PCDHA1: variants seen among roughly 807,000 people sequenced by gnomAD.
The protein encoded by PCDHA1 is protocadherin alpha-1.
Under a neutral mutation model 61.3 loss-of-function variants are expected in PCDHA1, and 42 were observed. The ratio of observed to expected loss-of-function variants is 0.69; its 90% CI spans 0.54 to 0.89. The LOEUF (loss-of-function observed/expected upper bound fraction) is 0.89. Among genes scored for constraint, PCDHA1 ranks in the 40% least tolerant of loss-of-function variants. The pLI is 0.00. For missense variants in PCDHA1, 1,256 were observed against 1,235.3 expected, an observed-to-expected ratio of 1.02 and a Z score of -0.25; for synonymous variants, 610 against 553.8, an observed-to-expected ratio of 1.10 and a Z score of -1.43.
At chr5:140,891,819 G>C (rs1282245838) in intron 1 of PCDHA1, among the ~76,000 whole-genome samples, 3 of 152,098 alleles carry the variant, frequency 2.0e-5, no homozygotes, top group African/African-American at 7.2e-5. Context: ...ATAAATTAAC[G>C]GCACTGTAAA....
At chr5:140,923,877 C>T (rs555626217) in intron 1 of PCDHA1, among the ~76,000 whole-genome samples, 5 of 152,284 alleles carry the variant, frequency 3.3e-5, no homozygotes, top group East Asian at 1.9e-4. Flanking sequence ...ATCTGAGAAG[C>T]GTGTGAAAGA....
intron 3 of PCDHA1, among the ~76,000 whole-genome samples, chr5:141,000,409 ATATATATATATATTT>A (rs2097918498): frequency 1.1e-5 from 1 of 94,040 alleles, no homozygotes; most frequent in East Asian, 3.1e-4. Flanking sequence ...ATATATATAT[ATATATATATATATTT>A]TTTTTTTTTT....
chr5:140,836,815 A>C, intron 1 of PCDHA1: 1 of 1,210,190 alleles, frequency 8.3e-7, no homozygotes, highest in Non-Finnish European at 1.1e-6. Flanking sequence ...TTCTTTCATA[A>C]TTTCTTTTTT....
chr5:140,928,262 A>T lies in PCDHA1; in HGVS notation c.2395-50687A>T, dbSNP rs199571652. ...CAGCAGGAACTTTTCGTTGCTGAAA[A>T]CAATGGCCCTGGGGCCTCTCTAGGC... is the stretch of plus-strand genomic sequence containing the variant. On this transcript the variant is annotated intron_variant, in intron 1 of 3. Coordinates refer to ENST00000504120, the MANE Select transcript of PCDHA1 (RefSeq NM_018900.4). 20 of 1,614,214 alleles carry T rather than the reference A, an allele frequency of 1.2e-5. No homozygotes were observed. In the Admixed American group the frequency reaches 2.2e-4, roughly 17 times the overall value.
At chr5:140,834,957 C>T in intron 1 of PCDHA1, 2 of 1,532,930 alleles carry the variant, frequency 1.3e-6, no homozygotes, top group Non-Finnish European at 1.8e-6. Flanking sequence ...GGTAAAACCT[C>T]TTGGACTTGT....
chr5:140,969,389 A>G (rs1554231753), intron 1 of PCDHA1: 8 of 1,592,478 alleles, frequency 5.0e-6, no homozygotes, highest in Admixed American at 1.8e-5. Context: ...ACATCCCCCA[A>G]TATCCTGTGA....
chr5:141,009,709 C>T lies in PCDHA1; in HGVS notation c.2625C>T (p.Asn875=). The part of the protein sequence containing the change: ...NSWTFKYGPG[N]PKQSGPGELP... ...GGACCTTTAAATACGGACCAGGCAA[C>T]CCCAAACAATCCGGTCCCGGTGAGT... The change falls in exon 4 of 4, where the codon AAC becomes AAT. Residue 875 remains asparagine (N), a synonymous_variant. Coordinates refer to ENST00000504120, the MANE Select transcript of PCDHA1 (RefSeq NM_018900.4). 1 of 1,614,118 alleles carries T rather than the reference C, an allele frequency of 6.2e-7. No homozygotes were observed. Among genetic ancestry groups the T allele is most frequent in the Non-Finnish European group, 8.5e-7 (1 of 1,180,024 alleles).
chr5:140,850,443 C>G, intron 1 of PCDHA1: 1 of 1,597,988 alleles, frequency 6.3e-7, no homozygotes, highest in East Asian at 2.2e-5. Flanking sequence ...CCTACTGGTG[C>G]TGGTGAAAGA....
At chr5:140,925,052 A>G (rs1221049582) in intron 1 of PCDHA1, among the ~76,000 whole-genome samples, 1 of 151,720 alleles carries the variant, frequency 6.6e-6, no homozygotes, top group African/African-American at 2.4e-5. Context: ...TTGAGACCAG[A>G]CTGGGCAACA....
At chr5:140,858,455 AT>A in intron 1 of PCDHA1, 2 of 1,529,258 alleles carry the variant, frequency 1.3e-6, no homozygotes, top group Non-Finnish European at 1.8e-6. Context: ...TTACGTTTTC[AT>A]TTTCCTTTTG....
intron 2 of PCDHA1, among the ~76,000 whole-genome samples, chr5:140,981,835 T>C (rs991736759): frequency 6.6e-6 from 1 of 152,162 alleles, no homozygotes; most frequent in Non-Finnish European, 1.5e-5. Context: ...TCTAAAGGTC[T>C]CCCAGTTTGT....
chr5:140,802,149 A>G lies in PCDHA1; in HGVS notation c.2394+13465A>G, dbSNP rs3733708. 850,393 of 1,613,974 alleles carry G rather than the reference A, an allele frequency of 0.53. 224,685 individuals carry two copies. The highest frequency in any genetic ancestry group is 0.58 in the Middle Eastern group (3,522 of 6,060). On this transcript the variant is annotated intron_variant, in intron 1 of 3. Coordinates refer to ENST00000504120, the MANE Select transcript of PCDHA1 (RefSeq NM_018900.4). ...TTTCGAGGAAAGTAAGTCATATGAAATCCAGGTAGAAGCCACGGATAAAGG... is the reference window on the plus strand; with the variant it reads ...TTTCGAGGAAAGTAAGTCATATGAAGTCCAGGTAGAAGCCACGGATAAAGG...
At chr5:140,825,856 C>T (rs1768740598) in intron 1 of PCDHA1, 1 of 152,350 alleles carries the variant, frequency 6.6e-6, no homozygotes. Context: ...TACAAACTCC[C>T]CTCTTGAGTT....
intron 1 of PCDHA1, among the ~76,000 whole-genome samples, chr5:140,890,263 A>G (rs1357896634): frequency 6.6e-6 from 1 of 152,194 alleles, no homozygotes; most frequent in Admixed American, 6.5e-5. Flanking sequence ...ACCTGATTGC[A>G]AGCAAGAACC....
At chr5:140,927,725 C>CA in intron 1 of PCDHA1, 1 of 1,614,202 alleles carries the variant, frequency 6.2e-7, no homozygotes, top group Non-Finnish European at 8.5e-7. Context: ...AGCACGCAAG[C>CA]AGAGCTGCGA....
At chr5:140,956,719 T>C (rs2095305109) in intron 1 of PCDHA1, among the ~76,000 whole-genome samples, 1 of 152,216 alleles carries the variant, frequency 6.6e-6, no homozygotes, top group Non-Finnish European at 1.5e-5. Context: ...TCAGAAGAAT[T>C]GGTACCAGCT....
Position 140,966,822 on chromosome 5 carries a change from C to A in PCDHA1, c.2395-12127C>A, listed in dbSNP as rs1329460642. 9 of 1,558,948 alleles carry A rather than the reference C, an allele frequency of 5.8e-6. No individual in the cohort carries two copies. In the Admixed American group the frequency reaches 7.5e-5, roughly 13 times the overall value. On this transcript the variant is annotated intron_variant, in intron 1 of 3. Transcript: ENST00000504120. ...ACAGAGCATCCACGGCTCCGGCGGC[C>A]CATGCCCTGGCTGCTGCTACTGCCT... is the stretch of plus-strand genomic sequence containing the variant.
At chr5:140,838,555 C>T (rs1775778485) in intron 1 of PCDHA1, among the ~76,000 whole-genome samples, 1 of 151,794 alleles carries the variant, frequency 6.6e-6, no homozygotes, top group Non-Finnish European at 1.5e-5. Flanking sequence ...ATTTATTCAT[C>T]CAGTACTGTA....
intron 1 of PCDHA1, chr5:140,805,232 T>G: frequency 2.2e-6 from 3 of 1,374,810 alleles, no homozygotes; most frequent in Non-Finnish European, 2.8e-6. Context: ...TTCTGCTGCA[T>G]TCCCCATCTG....
Sources: gnomAD v4.1 joint callset for allele counts (sites outside exome capture counted in the v4.1 genomes callset) on GRCh38, gnomAD v4.1.1 for gene constraint, MANE v1.5 for transcripts, NCBI Gene and HGNC (gene_info 2026-07-23, HGNC 2026-07-21) for gene names.